SMTNL2: variants seen among roughly 807,000 people sequenced by gnomAD.
SMTNL2 encodes smoothelin like 2.
Under a neutral mutation model 44.1 loss-of-function variants are expected in SMTNL2, and 43 were observed. That is an observed-to-expected ratio of 0.98 (90% confidence interval 0.76 to 1.26). SMTNL2 has a LOEUF of 1.26. Ranked by LOEUF, SMTNL2 falls within the 50% of genes most tolerant of loss-of-function variation. The probability of loss-of-function intolerance (pLI) is 0.00; values close to 1 mark genes in which losing one functional copy is unlikely to be tolerated. For missense variants in SMTNL2, 646 were observed against 670.2 expected (o/e 0.96, Z 0.40); for synonymous variants, 317 against 287.6 (o/e 1.10, Z -1.03).
Position 4,595,153 on chromosome 17 carries a change from T to A in SMTNL2, c.815T>A (p.Leu272Gln), listed in dbSNP as rs367683632. 2.4e-5 allele frequency: 38 copies of A among 1,613,024 alleles called. No homozygotes were observed. The highest frequency in any genetic ancestry group is 4.0e-5 in the African/African-American group (3 of 74,924). Residue 272 changes from leucine to glutamine, a missense_variant, in exon 5 of 8, where the codon CTG becomes CAG. Transcript: ENST00000389313. The surrounding 1 kb of genome is among the most constrained non-coding windows in gnomAD (Gnocchi z 5.1). ...GGCGATTCTTTCCTCAGCCCACCGC[T>A]GGTGACACCACCCCAGTCGCCCGTG... ...TASKHSNSPP[L>Q]VTPPQSPVSP...
intron 7 of SMTNL2, among the ~76,000 whole-genome samples, chr17:4,605,714 T>A (rs58431056): frequency 0.028 from 4,193 of 152,194 alleles, 179 homozygotes; most frequent in African/African-American, 0.096. Flanking sequence ...ACTACAAAAG[T>A]ACACACAGCT....
At chr17:4,589,395 G>A (rs1223533497) in intron 1 of SMTNL2, among the ~76,000 whole-genome samples, 8 of 152,162 alleles carry the variant, frequency 5.3e-5, no homozygotes, top group Admixed American at 3.3e-4. Context: ...TGTGGGGGCC[G>A]GGGTTCCAGC....
In SMTNL2 at chr17:4,607,565, C is replaced by A. The variant is rs1597420610; in HGVS notation, c.*78C>A. ...CGCTTGCGATTCCCCAGCCAGGATG[C>A]CCCCAGGAGCCTTGCCGTTTGGTGT... On this transcript the variant is annotated 3_prime_UTR_variant, in exon 8 of 8. Coordinates refer to ENST00000389313, the MANE Select transcript of SMTNL2 (RefSeq NM_001114974.2). This position sits in a 1 kb window ranked among gnomAD's most constrained non-coding sequence, Gnocchi z 4.7. 1 of 1,563,838 alleles carries A rather than the reference C, an allele frequency of 6.4e-7. No individual in the cohort carries two copies. Among genetic ancestry groups the A allele is most frequent in the Non-Finnish European group, 8.7e-7 (1 of 1,152,182 alleles).
intron 1 of SMTNL2, among the ~76,000 whole-genome samples, chr17:4,589,499 G>A (rs559420691): frequency 7.9e-5 from 12 of 152,234 alleles, no homozygotes; most frequent in Middle Eastern, 3.4e-3. Context: ...GCTGGGAGAC[G>A]CCCTGTGCTT....
intron 7 of SMTNL2, among the ~76,000 whole-genome samples, chr17:4,603,383 A>C (rs975102639): frequency 6.6e-6 from 1 of 152,240 alleles, no homozygotes; most frequent in African/African-American, 2.4e-5. Flanking sequence ...GAGAATAAGT[A>C]GCCTTATGGG....
Position 4,592,872 on chromosome 17 carries a change from C to T in SMTNL2, c.488-57C>T, listed in dbSNP as rs2150520939. The T allele has an allele frequency of 8.3e-6, 13 of 1,570,196 alleles. No homozygotes were observed. The highest frequency in any genetic ancestry group is 1.1e-5 in the Non-Finnish European group (13 of 1,154,276). ...GAGGCTAGAGCCCTCCTGGGAGGTC[C>T]CAGGCCCCTGTGGCTGCCACAGCTG... On this transcript the variant is annotated intron_variant, in intron 2 of 7. Transcript: ENST00000389313. This position sits in a 1 kb window ranked among gnomAD's most constrained non-coding sequence, Gnocchi z 4.5.
intron 7 of SMTNL2, among the ~76,000 whole-genome samples, chr17:4,601,783 G>A (rs1461882843): frequency 1.3e-5 from 2 of 151,856 alleles, no homozygotes; most frequent in Non-Finnish European, 2.9e-5. Context: ...GCCTCCCAAA[G>A]TGCTGGGATT....
rs1910364426 is a variant in SMTNL2 at position 4,608,283 on chromosome 17, G to A, written c.*796G>A. The A allele has an allele frequency of 6.6e-6, 1 of 152,172 alleles. No homozygotes were observed. Among genetic ancestry groups the A allele is most frequent in the South Asian group, 2.1e-4 (1 of 4,836 alleles). 9.4% of individuals were successfully genotyped at this position (152,172 alleles called of 1,614,324 possible). On this transcript the variant is annotated 3_prime_UTR_variant, in exon 8 of 8. Coordinates refer to ENST00000389313, the MANE Select transcript of SMTNL2 (RefSeq NM_001114974.2). ...AAAAAGTAACTCCCTCTGTACCACT[G>A]ACCCATTTATACATAAAAAAGATGT...
chr17:4,594,519 C>A (rs1344060492), intron 4 of SMTNL2, among the ~76,000 whole-genome samples: 1 of 151,982 alleles, frequency 6.6e-6, no homozygotes, highest in Non-Finnish European at 1.5e-5. Flanking sequence ...GGCCTCTCAG[C>A]CGGCAGGAGG....
chr17:4,584,402 T>A, upstream of SMTNL2: 1 of 453,532 alleles, frequency 2.2e-6, no homozygotes, highest in Non-Finnish European at 3.5e-6. Flanking sequence ...GAGCTCTCCC[T>A]CCGCACCGTC....
intron 1 of SMTNL2, among the ~76,000 whole-genome samples, chr17:4,591,388 C>T (rs188715931): frequency 4.6e-5 from 7 of 152,182 alleles, no homozygotes; most frequent in African/African-American, 1.4e-4. Flanking sequence ...GCCGTTCACA[C>T]GCCCTGGCTG....
intron 7 of SMTNL2, among the ~76,000 whole-genome samples, chr17:4,599,548 G>C (rs1361202998): frequency 6.6e-6 from 1 of 152,148 alleles, no homozygotes; most frequent in Non-Finnish European, 1.5e-5. Context: ...AGGCGACACT[G>C]TCTTGCAGGA....
intron 1 of SMTNL2, among the ~76,000 whole-genome samples, chr17:4,589,150 T>C (rs1369854900): frequency 6.6e-6 from 1 of 152,134 alleles, no homozygotes; most frequent in African/African-American, 2.4e-5. Context: ...TAGAACTTAC[T>C]CCCAGTCTGG....
intron 4 of SMTNL2, among the ~76,000 whole-genome samples, 166 bp downstream of exon 4, chr17:4,594,063 G>A (rs951254835): frequency 6.6e-6 from 1 of 152,146 alleles, no homozygotes; most frequent in East Asian, 1.9e-4. Flanking sequence ...TCTGAGCAGG[G>A]GGAGTGAGGC....
At position 4,607,388 on chromosome 17, in the gene SMTNL2, C is replaced by T. The variant is rs200559913; in HGVS notation, c.1287C>T (p.Ile429=). ...ATCTGGCCAACTGTGAGCGCCTCAT[C>T]GAAGTGGAGGACATGATGGTGATGG... is the stretch of plus-strand genomic sequence containing the variant. ...AENLANCERL[I]EVEDMMVMGR... Residue 429 remains isoleucine, a synonymous_variant, in exon 8 of 8, where the codon ATC becomes ATT. Transcript: ENST00000389313. The surrounding 1 kb of genome is among the most constrained non-coding windows in gnomAD (Gnocchi z 4.7). 6 of 1,614,030 alleles carry T rather than the reference C, an allele frequency of 3.7e-6. No individual in the cohort carries two copies. Among genetic ancestry groups the T allele is most frequent in the East Asian group, 2.2e-5 (1 of 44,896 alleles).
chr17:4,597,037 C>A, intron 6 of SMTNL2, 60 bp downstream of exon 6: 1 of 1,477,172 alleles, frequency 6.8e-7, no homozygotes, highest in South Asian at 1.3e-5. Flanking sequence ...GACCAAGCGT[C>A]GCCCCTGTCC....
intron 3 of SMTNL2, among the ~76,000 whole-genome samples, chr17:4,593,569 G>A (rs183399785): frequency 1.3e-5 from 2 of 152,326 alleles, no homozygotes; most frequent in Non-Finnish European, 2.9e-5. Context: ...TACATGGCAC[G>A]GGCCCTGGGC....
chr17:4,584,653 G>C lies in SMTNL2; in HGVS notation c.48G>C (p.Ala16=). The C allele has an allele frequency of 7.9e-7, 1 of 1,273,774 alleles. No homozygotes were observed. Among genetic ancestry groups the C allele is most frequent in the Non-Finnish European group, 9.9e-7 (1 of 1,013,246 alleles). The allele number at this position is 1,273,774 out of a possible 1,614,324, so 78.9% of individuals were successfully genotyped here. A position where few individuals can be genotyped will look rare whatever the true frequency, so the allele number is the denominator to read the frequency against. The change falls in exon 1 of 8, where the codon GCG becomes GCC. Residue 16 remains alanine (A), a synonymous_variant. Transcript: ENST00000389313. ...DAQEARTVRE[A]LGRYEAALEG... ...AGGAGGCGCGCACTGTGCGCGAGGC[G>C]CTGGGCCGCTACGAGGCGGCGCTGG...
Position 4,592,216 on chromosome 17 carries a change from C to T in SMTNL2, c.400-145C>T. 1 of 760,930 alleles carries T rather than the reference C, an allele frequency of 1.3e-6. No individual in the cohort carries two copies. Among genetic ancestry groups the T allele is most frequent in the Non-Finnish European group, 2.2e-6 (1 of 456,086 alleles). 47.1% of individuals were successfully genotyped at this position (760,930 alleles called of 1,614,324 possible). A position where few individuals can be genotyped will look rare whatever the true frequency, so the allele number is the denominator to read the frequency against. On this transcript the variant is annotated intron_variant, in intron 1 of 7. Transcript: ENST00000389313. The surrounding 1 kb of genome is among the most constrained non-coding windows in gnomAD (Gnocchi z 4.5). ...TCCCAGCTTTTGCTGTGTGACTTGG[C>T]CCGTCACTTTCTTCCTGGGGGCTGT...
Sources: allele counts gnomAD v4.1 joint callset (sites outside exome capture counted in the v4.1 genomes callset), GRCh38; gene constraint gnomAD v4.1.1; non-coding constraint Gnocchi (gnomAD v3.1); transcripts MANE v1.5; gene names NCBI Gene and HGNC (gene_info 2026-07-23, HGNC 2026-07-21).